Variants in FBXL7 observed in about 807,000 individuals in gnomAD.
FBXL7 encodes the protein F-box and leucine rich repeat protein 7.
FBXL7 carries 12 observed loss-of-function variants against 38.3 expected under a neutral mutation model. The ratio of observed to expected loss-of-function variants is 0.31; its 90% confidence interval spans 0.20 to 0.51. The LOEUF (loss-of-function observed/expected upper bound fraction) is 0.51. FBXL7 is among the 20% of genes least tolerant of loss of function. The probability of loss-of-function intolerance (pLI) is 0.98; values close to 1 mark genes in which losing one functional copy is unlikely to be tolerated. For synonymous variants in FBXL7, 297 were observed against 300.9 expected (o/e 0.99, Z 0.13); for missense variants, 567 against 676.4 (o/e 0.84, Z 1.79).
chr5:15,851,758 A>T (rs1739100060), intron 2 of FBXL7, among the ~76,000 whole-genome samples: 1 of 151,776 alleles, frequency 6.6e-6, no homozygotes, highest in Non-Finnish European at 1.5e-5. Context: ...AAGCCTGTGT[A>T]TTGCTATTCT....
chr5:15,839,753 T>C (rs979346360), intron 2 of FBXL7, among the ~76,000 whole-genome samples: 2 of 152,186 alleles, frequency 1.3e-5, no homozygotes, highest in African/African-American at 4.8e-5. Context: ...CTCCTCCTTT[T>C]CTTTTTCTCC....
intron 2 of FBXL7, among the ~76,000 whole-genome samples, chr5:15,842,500 G>A (rs1242530343): frequency 1.3e-5 from 2 of 152,282 alleles, no homozygotes; most frequent in Admixed American, 6.5e-5. Flanking sequence ...TTAAGACTTT[G>A]GGTGACTGTT....
intron 2 of FBXL7, among the ~76,000 whole-genome samples, chr5:15,867,478 C>G (rs1739765266): frequency 6.6e-6 from 1 of 152,210 alleles, no homozygotes. Context: ...TGTGTTTCAA[C>G]TCCAACAGAA....
chr5:15,578,279 C>T (rs1348758347), intron 1 of FBXL7, among the ~76,000 whole-genome samples: 1 of 151,876 alleles, frequency 6.6e-6, no homozygotes, highest in South Asian at 2.1e-4. Context: ...TTTGAAATAA[C>T]GAATGTATTT....
In FBXL7 at chr5:15,915,853, A is replaced by C. The variant is rs530456234; in HGVS notation, c.128-12037A>C. Among the ~76,000 whole-genome samples, 6 of 152,186 alleles carry C rather than the reference A, an allele frequency of 3.9e-5. No individual in the cohort carries two copies. In the East Asian group the frequency reaches 9.6e-4, roughly 24 times the overall value. On this transcript the variant is annotated intron_variant, in intron 2 of 3. Transcript: ENST00000504595. ...TGAAAGGAGATGAGAGATGATGAGC[A>C]CTTGAGCAGGGTGGGAGCAGTGGAG...
At chr5:15,755,175 C>T (rs368751795) in intron 2 of FBXL7, among the ~76,000 whole-genome samples, 152 of 152,072 alleles carry the variant, frequency 1.0e-3, no homozygotes, top group African/African-American at 3.4e-3. Context: ...AAATATATAC[C>T]CTGTAAGCCT....
intron 2 of FBXL7, among the ~76,000 whole-genome samples, chr5:15,790,449 A>T (rs942942617): frequency 1.3e-5 from 2 of 152,170 alleles, no homozygotes; most frequent in African/African-American, 4.8e-5. Context: ...GAGCTTAGTG[A>T]AGTGCCTGGC....
chr5:15,853,106 C>T lies in FBXL7; in HGVS notation c.128-74784C>T, dbSNP rs1314993035. Reference sequence around the variant, plus strand: ...AAGCAAGTCACTTGTCTTATGTAATCCTGCTGGCAAATGAAGAGCCAGAAT... The same window carrying T: ...AAGCAAGTCACTTGTCTTATGTAATTCTGCTGGCAAATGAAGAGCCAGAAT... On this transcript the variant is annotated intron_variant, in intron 2 of 3. Transcript: ENST00000504595. Among the ~76,000 whole-genome samples the T allele has an allele frequency of 3.3e-5, 5 of 152,140 alleles. No homozygotes were observed. The East Asian group carries it at 9.6e-4, about 29-fold the overall frequency.
chr5:15,713,668 A>G (rs1280458750), intron 2 of FBXL7, among the ~76,000 whole-genome samples: 1 of 152,242 alleles, frequency 6.6e-6, no homozygotes, highest in Non-Finnish European at 1.5e-5. Flanking sequence ...ATGATTGTAG[A>G]TTTAAATCTT....
At chr5:15,927,785 A>AAAAAAAAAAAAT in intron 2 of FBXL7, 105 bp from the exon 3 acceptor site, 9 of 801,014 alleles carry the variant, frequency 1.1e-5, no homozygotes, top group African/African-American at 2.6e-5. Context: ...AAAAAAAAAA[A>AAAAAAAAAAAAT]AAGAAGAAGA....
At chr5:15,712,963 T>C (rs7704277) in intron 2 of FBXL7, among the ~76,000 whole-genome samples, 86,614 of 151,984 alleles carry the variant, frequency 0.57, 24,919 homozygotes, top group East Asian at 0.68. Context: ...GTCTCCCACA[T>C]CTGTCACCTT....
intron 1 of FBXL7, among the ~76,000 whole-genome samples, chr5:15,592,198 C>T (rs140235844): frequency 5.2e-4 from 79 of 152,258 alleles, no homozygotes; most frequent in African/African-American, 1.8e-3. Flanking sequence ...AATTCTAGAA[C>T]GTGGCCTAGG....
intron 2 of FBXL7, among the ~76,000 whole-genome samples, chr5:15,846,112 C>T (rs1738894905): frequency 6.6e-6 from 1 of 152,222 alleles, no homozygotes; most frequent in Non-Finnish European, 1.5e-5. Context: ...AATGAATACA[C>T]AATTATTCAA....
At chr5:15,765,312 T>C (rs1400203461) in intron 2 of FBXL7, among the ~76,000 whole-genome samples, 1 of 152,128 alleles carries the variant, frequency 6.6e-6, no homozygotes, top group Non-Finnish European at 1.5e-5. Context: ...ACAAATGTTA[T>C]GCACTCCCGA....
At chr5:15,932,373 T>C (rs967267300) in intron 3 of FBXL7, among the ~76,000 whole-genome samples, 1 of 152,198 alleles carries the variant, frequency 6.6e-6, no homozygotes, top group Non-Finnish European at 1.5e-5. Flanking sequence ...CTTAACCATC[T>C]GACACCCCAG....
intron 2 of FBXL7, among the ~76,000 whole-genome samples, chr5:15,631,693 A>T (rs1403501372): frequency 1.4e-5 from 2 of 141,456 alleles, no homozygotes; most frequent in East Asian, 4.0e-4. Context: ...AAAAAAAAAA[A>T]AAGGAAGTAT....
At chr5:15,771,703 G>A (rs1446268538) in intron 2 of FBXL7, among the ~76,000 whole-genome samples, 1 of 151,164 alleles carries the variant, frequency 6.6e-6, no homozygotes. Context: ...CTACCTCTTT[G>A]AACCAGACCT....
At chr5:15,596,207 G>A (rs1028397594) in intron 1 of FBXL7, among the ~76,000 whole-genome samples, 5 of 152,142 alleles carry the variant, frequency 3.3e-5, no homozygotes, top group Non-Finnish European at 7.4e-5. Context: ...ACCGGGCTAA[G>A]GTATGCTTCT....
intron 2 of FBXL7, among the ~76,000 whole-genome samples, chr5:15,725,330 A>AT (rs1744314916): frequency 6.6e-6 from 1 of 151,614 alleles, no homozygotes; most frequent in East Asian, 2.0e-4. Context: ...TGGTATGTTG[A>AT]TTTTTTTCAT....
Sources: gnomAD v4.1 joint callset for allele counts (sites outside exome capture counted in the v4.1 genomes callset) on GRCh38, gnomAD v4.1.1 for gene constraint, MANE v1.5 for transcripts, NCBI Gene and HGNC (gene_info 2026-07-23, HGNC 2026-07-21) for gene names.